The following SNX11 variants were observed in gnomAD, a reference collection of about 807,000 sequenced individuals.
SNX11 encodes the protein sorting nexin-11.
A neutral mutation model predicts 30.7 loss-of-function variants in SNX11; 19 were observed. The ratio of observed to expected loss-of-function variants is 0.62; its 90% CI spans 0.43 to 0.91. SNX11 has a LOEUF of 0.91. SNX11 is among the 40% of genes least tolerant of loss of function. SNX11 has a pLI of 0.00. For missense variants in SNX11, 302 were observed against 326.7 expected (o/e 0.92, Z 0.58); for synonymous variants, 112 against 119.0 (o/e 0.94, Z 0.38).
intron 1 of SNX11, 108 bp from the exon 2 acceptor site, chr17:48,111,923 G>C: frequency 1.2e-6 from 1 of 815,838 alleles, no homozygotes; most frequent in Non-Finnish European, 2.0e-6. Flanking sequence ...AGTGTTGCCT[G>C]GGTTTCCCCA....
At chr17:48,118,653 C>T in intron 4 of SNX11, 51 bp from the exon 5 acceptor site, 1 of 1,281,740 alleles carries the variant, frequency 7.8e-7, no homozygotes, top group South Asian at 1.2e-5. Context: ...GCCGGAATGA[C>T]TATCTTAGAT....
Position 48,121,220 on chromosome 17 carries a change from C to G in SNX11, c.540-15C>G. The G allele has an allele frequency of 6.2e-7, 1 of 1,613,504 alleles. No homozygotes were observed. The highest frequency in any genetic ancestry group is 8.5e-7 in the Non-Finnish European group (1 of 1,179,646). On this transcript the variant is annotated splice_polypyrimidine_tract_variant and intron_variant, in intron 6 of 6. Transcript: ENST00000359238. ...CTGTTCATACCTTTCTTTTCCCTTTCCCACTCTTTTCCAGTTGCTGCTTTC... is the reference window on the plus strand; with the variant it reads ...CTGTTCATACCTTTCTTTTCCCTTTGCCACTCTTTTCCAGTTGCTGCTTTC...
rs147358124 is a variant in SNX11 at position 48,110,494 on chromosome 17, G to A, written c.-13-1537G>A. Among the ~76,000 whole-genome samples the A allele has an allele frequency of 3.2e-3, 490 of 152,312 alleles. 3 individuals are homozygous for A. Among genetic ancestry groups the A allele is most frequent in the African/African-American group, 0.011 (461 of 41,558 alleles). ...TTTGCTAATTTCATGGTGTAAATGA[G>A]TTCCCCTTCTTTTGAAATGTTAGCC... On this transcript the variant is annotated intron_variant, in intron 1 of 6. Coordinates refer to ENST00000359238, the MANE Select transcript of SNX11 (RefSeq NM_013323.3).
intron 4 of SNX11, among the ~76,000 whole-genome samples, chr17:48,114,841 T>C (rs945029136): frequency 4.0e-5 from 6 of 151,570 alleles, no homozygotes; most frequent in Non-Finnish European, 8.8e-5. Flanking sequence ...GACTATTTTG[T>C]ATTTTAGTAG....
intron 5 of SNX11, 35 bp downstream of exon 5, chr17:48,118,834 G>C: frequency 1.3e-6 from 2 of 1,588,278 alleles, no homozygotes; most frequent in Non-Finnish European, 1.7e-6. Context: ...TGGCCACCAA[G>C]GGTGGAGGCA....
Position 48,118,278 on chromosome 17 carries a change from C to T in SNX11, c.231-426C>T, listed in dbSNP as rs138509601. 4.5e-3 allele frequency among the ~76,000 whole-genome samples: 687 copies of T among 152,066 alleles called. 8 individuals carry two copies. The highest frequency in any genetic ancestry group is 0.034 in the Middle Eastern group (10 of 294). On this transcript the variant is annotated intron_variant, in intron 4 of 6. Transcript: ENST00000359238. ...GGCATGCAGTCAATGTTAGCACCAC[C>T]CCTTATTAAAAGCTAATTGGGGCCA... is the stretch of plus-strand genomic sequence containing the variant.
At chr17:48,109,582 T>TG (rs1031864214) in intron 1 of SNX11, among the ~76,000 whole-genome samples, 4 of 135,914 alleles carry the variant, frequency 2.9e-5, no homozygotes, top group African/African-American at 7.8e-5. Flanking sequence ...TTGTTTTTTG[T>TG]GTTTTTTTTT....
chr17:48,113,360 C>T lies in SNX11; in HGVS notation c.189C>T (p.Phe63=), dbSNP rs1391241197. The T allele has an allele frequency of 5.0e-6, 8 of 1,613,538 alleles. No individual in the cohort carries two copies. Among genetic ancestry groups the T allele is most frequent in the Middle Eastern group, 1.6e-4 (1 of 6,084 alleles). The change falls in exon 4 of 7, where the codon TTC becomes TTT. Residue 63 remains phenylalanine, a synonymous_variant. Transcript: ENST00000359238. ...TSCVRRRYRE[F]VWLRKQLQRN... ...GTGTGCGGCGCCGCTACCGTGAGTT[C>T]GTGTGGCTGAGAAAGCAGCTACAGA...
At chr17:48,119,713 A>G (rs568553078) in intron 6 of SNX11, among the ~76,000 whole-genome samples, 2 of 131,854 alleles carry the variant, frequency 1.5e-5, no homozygotes, top group African/African-American at 5.4e-5. Context: ...CTGCCTCCCA[A>G]AGTGCTAGGA....
intron 4 of SNX11, among the ~76,000 whole-genome samples, chr17:48,115,983 C>T (rs1410273588): frequency 2.7e-5 from 4 of 145,458 alleles, no homozygotes; most frequent in Non-Finnish European, 6.0e-5. Context: ...CTAAGTGAGC[C>T]TCTGCCGGTC....
In SNX11 at chr17:48,123,371, A is replaced by T. The variant is rs1436025090; in HGVS notation, c.*1863A>T. ...CTGTGCCTGAAGCTCTCTGATCTCGAAACTTCCAGACAGGAGCTGGAGGTG... is the reference window on the plus strand; with the variant it reads ...CTGTGCCTGAAGCTCTCTGATCTCGTAACTTCCAGACAGGAGCTGGAGGTG... On this transcript the variant is annotated 3_prime_UTR_variant, in exon 7 of 7. Coordinates refer to ENST00000359238, the MANE Select transcript of SNX11 (RefSeq NM_013323.3). Among the ~76,000 whole-genome samples, 1 of 152,080 alleles carries T rather than the reference A, an allele frequency of 6.6e-6. No individual in the cohort carries two copies. The highest frequency in any genetic ancestry group is 1.5e-5 in the Non-Finnish European group (1 of 68,018).
At chr17:48,115,574 C>A (rs9890691) in intron 4 of SNX11, among the ~76,000 whole-genome samples, 135,230 of 152,218 alleles carry the variant, frequency 0.89, 60,136 homozygotes, top group Admixed American at 0.92. Flanking sequence ...TATTTGACAG[C>A]TAGTGTTTCC....
At chr17:48,120,516 T>TC (rs2063588365) in intron 6 of SNX11, among the ~76,000 whole-genome samples, 1 of 134,890 alleles carries the variant, frequency 7.4e-6, no homozygotes, top group African/African-American at 2.8e-5. Flanking sequence ...CCTTTTTTTT[T>TC]TTTTTTTTTT....
chr17:48,112,073 C>G lies in SNX11; in HGVS notation c.30C>G (p.Asn10Lys). 1 of 1,613,562 alleles carries G rather than the reference C, an allele frequency of 6.2e-7. No individual in the cohort carries two copies. Among genetic ancestry groups the G allele is most frequent in the South Asian group, 1.1e-5 (1 of 91,046 alleles). MGFWCRMSE[N>K]QEQEEVITVR... ...GCTTTTGGTGTAGGATGTCGGAGAA[C>G]CAAGAACAGGAGGTAAGAGTATGGT... Residue 10 changes from asparagine to lysine, a missense_variant, in exon 2 of 7, where the codon AAC becomes AAG. By Grantham distance (94) the Asn-to-Lys change is moderately conservative (BLOSUM62 0). Coordinates refer to ENST00000359238, the MANE Select transcript of SNX11 (RefSeq NM_013323.3).
chr17:48,119,415 T>C (rs118191669), intron 6 of SNX11, among the ~76,000 whole-genome samples: 2,589 of 152,294 alleles, frequency 0.017, 98 homozygotes, highest in Admixed American at 0.094. Flanking sequence ...CTTTCTCATT[T>C]ATTCGGTTTT....
In SNX11 at chr17:48,119,014, C is replaced by G; in HGVS notation, c.367C>G (p.His123Asp). ...GGTTCTCCTGTCAGACAGCCAGTTG[C>G]ACCTATTCCTGCAAAGCCAGCTCTC... ...SVVLLSDSQLHLFLQSQLSVP... is the reference protein window; with the variant it reads ...SVVLLSDSQLDLFLQSQLSVP... Residue 123 changes from histidine to aspartate, a missense_variant, in exon 6 of 7, where the codon CAC (histidine) becomes GAC (aspartate). His to Asp is a moderately conservative substitution (Grantham distance 81). Coordinates refer to ENST00000359238, the MANE Select transcript of SNX11 (RefSeq NM_013323.3). The G allele has an allele frequency of 6.2e-7, 1 of 1,614,008 alleles. No individual in the cohort carries two copies. Among genetic ancestry groups the G allele is most frequent in the East Asian group, 2.2e-5 (1 of 44,874 alleles).
At chr17:48,115,911 G>GT (rs138938927) in intron 4 of SNX11, among the ~76,000 whole-genome samples, 3,639 of 142,234 alleles carry the variant, frequency 0.026, 92 homozygotes, top group African/African-American at 0.064. Context: ...AGCCTGGCCT[G>GT]TTTTTTTTTT....
chr17:48,117,829 T>C (rs2063560746), intron 4 of SNX11, among the ~76,000 whole-genome samples: 1 of 152,122 alleles, frequency 6.6e-6, no homozygotes, highest in Non-Finnish European at 1.5e-5. Flanking sequence ...AGAGCAATAC[T>C]GTCTCTACAG....
At chr17:48,116,598 G>T (rs1437267682) in intron 4 of SNX11, among the ~76,000 whole-genome samples, 1 of 149,254 alleles carries the variant, frequency 6.7e-6, no homozygotes, top group Admixed American at 6.7e-5. Flanking sequence ...TTTCTGAGGC[G>T]GAGTCTCGCT....
Sources: gnomAD v4.1 joint callset for allele counts (sites outside exome capture counted in the v4.1 genomes callset) on GRCh38, gnomAD v4.1.1 for gene constraint, MANE v1.5 for transcripts, NCBI Gene and HGNC (gene_info 2026-07-23, HGNC 2026-07-21) for gene names.